The following MKLN1 variants were observed in gnomAD, a reference collection of about 807,000 sequenced individuals.
MKLN1 encodes the protein muskelin.
Under a neutral mutation model 99.0 loss-of-function variants are expected in MKLN1, and 18 were observed. The observed-to-expected ratio is 0.18, with a 90% CI of 0.13 to 0.27. The LOEUF is 0.27. Among genes scored for constraint, MKLN1 ranks in the 10% least tolerant of loss-of-function variants. The pLI is 1.00. For missense variants in MKLN1, 621 were observed against 875.9 expected (o/e 0.71, Z 3.67); for synonymous variants, 288 against 293.2 (o/e 0.98, Z 0.18).
At chr7:131,327,874 G>C (rs765321101), upstream of MKLN1, 2 of 1,607,624 alleles carry the variant, frequency 1.2e-6, no homozygotes, top group Non-Finnish European at 1.7e-6. Context: ...CCAGCGGTCG[G>C]TGGCGGCCGC....
intron 1 of MKLN1, among the ~76,000 whole-genome samples, chr7:131,352,181 AGTC>A (rs1799740457): frequency 6.6e-6 from 1 of 152,194 alleles, no homozygotes; most frequent in African/African-American, 2.4e-5. Flanking sequence ...TGACTTCAGT[AGTC>A]ATTATTTGTG....
intron 8 of MKLN1, among the ~76,000 whole-genome samples, chr7:131,414,992 C>T (rs1794974965): frequency 6.6e-6 from 1 of 151,940 alleles, no homozygotes; most frequent in Non-Finnish European, 1.5e-5. Flanking sequence ...ATAAAGAGAA[C>T]TAAGATATAT....
chr7:131,225,630 A>G (rs1028961637), intron 3 of MKLN1, among the ~76,000 whole-genome samples: 2 of 152,218 alleles, frequency 1.3e-5, no homozygotes, highest in African/African-American at 2.4e-5. Flanking sequence ...GACCCAGATC[A>G]GGGCATGCTA....
intron 9 of MKLN1, among the ~76,000 whole-genome samples, chr7:131,431,202 A>G (rs1795511698): frequency 6.6e-6 from 1 of 151,824 alleles, no homozygotes; most frequent in African/African-American, 2.4e-5. Flanking sequence ...AGCCTGGTCG[A>G]CAGAGTGAGA....
At chr7:131,251,464 G>T (rs1342384985) in intron 3 of MKLN1, among the ~76,000 whole-genome samples, 1 of 152,074 alleles carries the variant, frequency 6.6e-6, no homozygotes, top group Non-Finnish European at 1.5e-5. Context: ...TTTGGGAAGT[G>T]ACTGACTTTA....
chr7:131,125,867 G>A (rs867037767), intron 1 of MKLN1, among the ~76,000 whole-genome samples: 20 of 151,718 alleles, frequency 1.3e-4, no homozygotes, highest in Admixed American at 2.6e-4. Flanking sequence ...TTAGCCGGGC[G>A]TGGTGGTGGC....
intron 3 of MKLN1, among the ~76,000 whole-genome samples, chr7:131,211,301 C>T (rs774169287): frequency 6.6e-6 from 1 of 152,130 alleles, no homozygotes; most frequent in Non-Finnish European, 1.5e-5. Context: ...TTCCTAAATA[C>T]TTTATTATAT....
At chr7:131,180,491 G>T (rs1295510279) in intron 2 of MKLN1, among the ~76,000 whole-genome samples, 1 of 152,162 alleles carries the variant, frequency 6.6e-6, no homozygotes, top group Non-Finnish European at 1.5e-5. Context: ...CTGAGGTCAG[G>T]AGTTCGAGAC....
chr7:131,132,947 A>AAGAAAGAAAGAAAGAAAG (rs1554526877), intron 1 of MKLN1, among the ~76,000 whole-genome samples: 2 of 56,568 alleles, frequency 3.5e-5, no homozygotes, highest in African/African-American at 1.6e-4. Flanking sequence ...AAAAAAAAAA[A>AAGAAAGAAAGAAAGAAAG]AAAGAAAGAA....
intron 3 of MKLN1, among the ~76,000 whole-genome samples, chr7:131,275,545 ATATATATATATATATATATATATTTTTT>A (rs1364215272): frequency 8.2e-4 from 10 of 12,174 alleles, no homozygotes; most frequent in African/African-American, 2.4e-3. Context: ...ATATATATAT[ATATATATATATATATATATATATTTTTT>A]TTTTTTTTTT....
Position 131,161,161 on chromosome 7 carries a change from C to T in MKLN1, c.-297+18220C>T, listed in dbSNP as rs976299105. ...AGCAGTGGAACCTCTCCAGGTACTTCTAAGAGCAGGACAGACAGGGTCAGT... is the reference window on the plus strand; with the variant it reads ...AGCAGTGGAACCTCTCCAGGTACTTTTAAGAGCAGGACAGACAGGGTCAGT... On this transcript the variant is annotated intron_variant, in intron 2 of 7. Transcript: ENST00000416992. Among the ~76,000 whole-genome samples, 4 of 152,164 alleles carry T rather than the reference C, an allele frequency of 2.6e-5. No homozygotes were observed. The South Asian group carries it at 6.2e-4, about 24-fold the overall frequency.
At chr7:131,151,756 C>G (rs943811987) in intron 2 of MKLN1, among the ~76,000 whole-genome samples, 1 of 152,152 alleles carries the variant, frequency 6.6e-6, no homozygotes, top group African/African-American at 2.4e-5. Flanking sequence ...ATAATTCTAT[C>G]ACTCAGAGAT....
chr7:131,236,394 C>G (rs1797321255), intron 3 of MKLN1, among the ~76,000 whole-genome samples: 1 of 152,176 alleles, frequency 6.6e-6, no homozygotes, highest in Non-Finnish European at 1.5e-5. Context: ...GGCACGGTGG[C>G]TCACGCCTGT....
At chr7:131,262,907 CA>C (rs1797754441) in intron 3 of MKLN1, among the ~76,000 whole-genome samples, 1 of 152,104 alleles carries the variant, frequency 6.6e-6, no homozygotes, top group African/African-American at 2.4e-5. Context: ...CACTCACATA[CA>C]TTTTTTTTTC....
At chr7:131,190,447 G>T (rs1034003622) in intron 2 of MKLN1, among the ~76,000 whole-genome samples, 23 of 148,258 alleles carry the variant, frequency 1.6e-4, no homozygotes, top group Non-Finnish European at 3.0e-5. Flanking sequence ...TCCATTCTTT[G>T]CTTGCAGCTC....
At position 131,411,298 on chromosome 7, in the gene MKLN1, A is replaced by G. The variant is rs150944657; in HGVS notation, c.704-8A>G. 1.7e-5 allele frequency: 27 copies of G among 1,572,334 alleles called. No individual in the cohort carries two copies. Among genetic ancestry groups the G allele is most frequent in the Non-Finnish European group, 2.4e-5 (27 of 1,143,284 alleles). On this transcript the variant is annotated splice_polypyrimidine_tract_variant and splice_region_variant and intron_variant, in intron 6 of 17. Coordinates refer to ENST00000352689, the MANE Select transcript of MKLN1 (RefSeq NM_013255.5). Reference sequence around the variant, plus strand: ...GTGTAATTCTTTCTCATTCTTCAATATTTGCAGATGGCTTGTTCAATCAGT... The same window carrying G: ...GTGTAATTCTTTCTCATTCTTCAATGTTTGCAGATGGCTTGTTCAATCAGT...
At chr7:131,369,216 T>C (rs1800272997) in intron 1 of MKLN1, among the ~76,000 whole-genome samples, 1 of 152,196 alleles carries the variant, frequency 6.6e-6, no homozygotes, top group Non-Finnish European at 1.5e-5. Context: ...CATATGTCCT[T>C]ACGTACTGGA....
chr7:131,263,024 C>A (rs750150384), intron 3 of MKLN1, among the ~76,000 whole-genome samples: 1 of 151,930 alleles, frequency 6.6e-6, no homozygotes, highest in East Asian at 1.9e-4. Context: ...CTGTTCTCTG[C>A]GTTTCTTATA....
At chr7:131,156,402 C>T (rs545008075) in intron 2 of MKLN1, among the ~76,000 whole-genome samples, 3 of 141,962 alleles carry the variant, frequency 2.1e-5, no homozygotes, top group African/African-American at 7.8e-5. Flanking sequence ...GAGGCGAGAT[C>T]GCGCCACTGC....
Sources: gnomAD v4.1 joint callset for allele counts (sites outside exome capture counted in the v4.1 genomes callset) on GRCh38, gnomAD v4.1.1 for gene constraint, MANE v1.5 for transcripts, NCBI Gene and HGNC (gene_info 2026-07-23, HGNC 2026-07-21) for gene names.